The following OTUD3 variants were observed in gnomAD, a reference collection of about 807,000 sequenced individuals.
The protein encoded by OTUD3 is OTU domain-containing protein 3.
A neutral mutation model predicts 46.2 loss-of-function variants in OTUD3; 24 were observed. That is an observed-to-expected ratio of 0.52 (90% CI 0.38 to 0.73). The LOEUF is 0.73. OTUD3 is among the 30% of genes least tolerant of loss of function. The pLI, the probability that OTUD3 is intolerant of heterozygous loss-of-function variation, is 0.00. For synonymous variants in OTUD3, 189 were observed against 195.4 expected, an observed-to-expected ratio of 0.97 and a Z score of 0.27; for missense variants, 455 against 523.3, an observed-to-expected ratio of 0.87 and a Z score of 1.27.
intron 1 of OTUD3, among the ~76,000 whole-genome samples, chr1:19,887,996 G>A (rs2045393032): frequency 6.6e-6 from 1 of 152,160 alleles, no homozygotes; most frequent in African/African-American, 2.4e-5. Flanking sequence ...TTATGTAATT[G>A]GTTGTTTTTG....
Position 19,889,857 on chromosome 1 carries a change from A to G in OTUD3, c.222-528A>G, listed in dbSNP as rs927888388. ...TGACTTTCTCCACTATGTTCTTAGG[A>G]CTCAAACAGAGTATTGTTCAGTTGT... On this transcript the variant is annotated intron_variant, in intron 1 of 7. Coordinates refer to ENST00000375120, the MANE Select transcript of OTUD3 (RefSeq NM_015207.2). 7.9e-5 allele frequency among the ~76,000 whole-genome samples: 12 copies of G among 152,282 alleles called. 1 individual carries two copies. In the South Asian group the frequency reaches 2.3e-3, roughly 29 times the overall value.
In OTUD3 at chr1:19,911,996, C is replaced by T. The variant is rs1322612578; in HGVS notation, c.*4250C>T. ...GTAGAGTCCCTCTCTTTACTGTCCT[C>T]GTTAGGACTGTTTTGTGGTTCCATG... On this transcript the variant is annotated 3_prime_UTR_variant, in exon 8 of 8. Coordinates refer to ENST00000375120, the MANE Select transcript of OTUD3 (RefSeq NM_015207.2). 6.6e-6 allele frequency: 1 copy of T among 152,344 alleles called. No homozygotes were observed. The highest frequency in any genetic ancestry group is 1.5e-5 in the Non-Finnish European group (1 of 68,052). 9.4% of individuals were successfully genotyped at this position (152,344 alleles called of 1,614,324 possible). A position where few individuals can be genotyped will look rare whatever the true frequency, so the allele number is the denominator to read the frequency against.
At chr1:19,887,686 A>G (rs2045386827) in intron 1 of OTUD3, among the ~76,000 whole-genome samples, 1 of 152,016 alleles carries the variant, frequency 6.6e-6, no homozygotes, top group Middle Eastern at 3.4e-3. Flanking sequence ...TTAATTTCAC[A>G]TGACAGTTGG....
At chr1:19,902,484 C>A (rs2045604341) in intron 4 of OTUD3, among the ~76,000 whole-genome samples, 1 of 152,202 alleles carries the variant, frequency 6.6e-6, no homozygotes, top group Admixed American at 6.5e-5. Flanking sequence ...GGATTACAGG[C>A]ATGAGCCACC....
At chr1:19,898,910 C>A (rs2045552772) in intron 4 of OTUD3, among the ~76,000 whole-genome samples, 1 of 152,074 alleles carries the variant, frequency 6.6e-6, no homozygotes, top group Non-Finnish European at 1.5e-5. Context: ...ACGTGGACTC[C>A]AGCGATCTTC....
rs555945499 is a variant in OTUD3 at position 19,901,003 on chromosome 1, G to A, written c.607-3264G>A. Among the ~76,000 whole-genome samples the A allele has an allele frequency of 5.0e-5, 7 of 140,858 alleles. 1 individual carries two copies. The highest frequency in any genetic ancestry group is 4.6e-4 in the Admixed American group (6 of 13,098). The allele number at this position is 140,858 out of a possible 152,430, so 92.4% of individuals were successfully genotyped here. A position where few individuals can be genotyped will look rare whatever the true frequency, so the allele number is the denominator to read the frequency against. The stretch of plus-strand genomic sequence containing the variant: ...TGCAGTGGTGCAACCTCTGCCTCCC[G>A]GGTTCAAGCGATTCTCCTGCCTCAG... On this transcript the variant is annotated intron_variant, in intron 4 of 7. Coordinates refer to ENST00000375120, the MANE Select transcript of OTUD3 (RefSeq NM_015207.2).
chr1:19,906,416 T>C lies in OTUD3; in HGVS notation c.836-16T>C. On this transcript the variant is annotated splice_polypyrimidine_tract_variant and intron_variant, in intron 6 of 7. Coordinates refer to ENST00000375120, the MANE Select transcript of OTUD3 (RefSeq NM_015207.2). Reference sequence around the variant, plus strand: ...TCTCAGGTTCTCAGTTTTAATGAAATGTCTTTCTTTGGAAGATGCAGAAGA... The same window carrying C: ...TCTCAGGTTCTCAGTTTTAATGAAACGTCTTTCTTTGGAAGATGCAGAAGA... 6.2e-7 allele frequency: 1 copy of C among 1,611,464 alleles called. No homozygotes were observed. Among genetic ancestry groups the C allele is most frequent in the Non-Finnish European group, 8.5e-7 (1 of 1,178,414 alleles).
At chr1:19,894,247 T>C (rs930101975) in intron 2 of OTUD3, 121 bp from the exon 3 acceptor site, 9 of 570,448 alleles carry the variant, frequency 1.6e-5, no homozygotes, top group African/African-American at 1.3e-4. Context: ...ACAAAGTTAA[T>C]GGACTTCTCA....
intron 1 of OTUD3, among the ~76,000 whole-genome samples, chr1:19,884,132 T>C (rs527858966): frequency 7.9e-5 from 12 of 152,330 alleles, no homozygotes; most frequent in African/African-American, 2.6e-4. Context: ...GACACCCTTA[T>C]AGAAACAGAA....
chr1:19,888,375 T>G (rs958093389), intron 1 of OTUD3, among the ~76,000 whole-genome samples: 11 of 152,228 alleles, frequency 7.2e-5, no homozygotes, highest in African/African-American at 2.7e-4. Context: ...GTGCTCTTAT[T>G]GGGCTCACCT....
intron 5 of OTUD3, 60 bp from the exon 6 acceptor site, chr1:19,904,831 G>T: frequency 1.2e-6 from 1 of 800,048 alleles, no homozygotes; most frequent in South Asian, 1.5e-5. Flanking sequence ...AGTAGAGCTA[G>T]GCAGAAAAAT....
At position 19,903,710 on chromosome 1, in the gene OTUD3, A is replaced by T. The variant is rs542976545; in HGVS notation, c.607-557A>T. On this transcript the variant is annotated intron_variant, in intron 4 of 7. Coordinates refer to ENST00000375120, the MANE Select transcript of OTUD3 (RefSeq NM_015207.2). ...TGTTGTTTGTGGCTTTAGGATTTGG[A>T]TTGACAAGTTTCCCTGGGTGTGGTG... 2.0e-5 allele frequency among the ~76,000 whole-genome samples: 3 copies of T among 152,236 alleles called. No individual in the cohort carries two copies. The South Asian group carries it at 6.2e-4, about 32-fold the overall frequency.
chr1:19,899,900 TTCTC>T (rs1557679612), intron 4 of OTUD3, among the ~76,000 whole-genome samples: 1 of 151,534 alleles, frequency 6.6e-6, no homozygotes, highest in African/African-American at 2.4e-5. Flanking sequence ...TTCATTTTCT[TTCTC>T]CATTTTTTTC....
At chr1:19,903,119 C>T (rs752946105) in intron 4 of OTUD3, among the ~76,000 whole-genome samples, 4 of 134,750 alleles carry the variant, frequency 3.0e-5, no homozygotes, top group Admixed American at 8.0e-5. Flanking sequence ...GTGATCTCGG[C>T]TCACTGCAAC....
chr1:19,894,774 C>A (rs1028867330), intron 3 of OTUD3, among the ~76,000 whole-genome samples: 1 of 152,190 alleles, frequency 6.6e-6, no homozygotes, highest in Non-Finnish European at 1.5e-5. Flanking sequence ...GCTGTCACCC[C>A]CTAAAGTCAG....
chr1:19,906,445 T>A lies in OTUD3; in HGVS notation c.849T>A (p.Asn283Lys). The change falls in exon 7 of 8, where the codon AAT (asparagine) becomes AAA (lysine). Residue 283 changes from asparagine (N) to lysine (K), a missense_variant. Transcript: ENST00000375120. The stretch of plus-strand genomic sequence containing the variant: ...TTTCTTTGGAAGATGCAGAAGAGAA[T>A]CTTGAGCCCAGTGGTCGAGTGCTGA... ...NQGKRNNAEE[N>K]LEPSGRVLKQ... The A allele has an allele frequency of 6.2e-6, 10 of 1,613,836 alleles. No homozygotes were observed. The highest frequency in any genetic ancestry group is 8.5e-6 in the Non-Finnish European group (10 of 1,179,838).
chr1:19,905,052 A>T, intron 6 of OTUD3, 65 bp downstream of exon 6: 1 of 931,296 alleles, frequency 1.1e-6, no homozygotes, highest in African/African-American at 1.7e-5. Flanking sequence ...CCAAATATTT[A>T]TTTTTTAACC....
At position 19,889,734 on chromosome 1, in the gene OTUD3, A is replaced by G. The variant is rs1019630397; in HGVS notation, c.222-651A>G. 3.3e-5 allele frequency among the ~76,000 whole-genome samples: 5 copies of G among 152,344 alleles called. No individual in the cohort carries two copies. The East Asian group carries it at 7.7e-4, about 23-fold the overall frequency. Reference sequence around the variant, plus strand: ...TTAAAGTTTTCATTTGGCAGGAATAACAATGGCATTGTTGCTCCCTGGGTG... The same window carrying G: ...TTAAAGTTTTCATTTGGCAGGAATAGCAATGGCATTGTTGCTCCCTGGGTG... On this transcript the variant is annotated intron_variant, in intron 1 of 7. Coordinates refer to ENST00000375120, the MANE Select transcript of OTUD3 (RefSeq NM_015207.2).
chr1:19,885,072 G>A (rs2045338071), intron 1 of OTUD3, among the ~76,000 whole-genome samples: 1 of 152,138 alleles, frequency 6.6e-6, no homozygotes. Flanking sequence ...CATCTGAGAA[G>A]GAGTATATAT....
Sources: allele counts gnomAD v4.1 joint callset (sites outside exome capture counted in the v4.1 genomes callset), GRCh38; gene constraint gnomAD v4.1.1; transcripts MANE v1.5; gene names NCBI Gene and HGNC (gene_info 2026-07-23, HGNC 2026-07-21).